PEAK1: variants seen among roughly 807,000 people sequenced by gnomAD.
The protein encoded by PEAK1 is pseudopodium enriched atypical kinase 1.
A neutral mutation model predicts 124.7 loss-of-function variants in PEAK1; 54 were observed. The ratio of observed to expected loss-of-function variants is 0.43; its 90% CI spans 0.35 to 0.54. The LOEUF (loss-of-function observed/expected upper bound fraction) is 0.54, where lower values mean the gene tolerates loss of function less well. PEAK1 is among the 20% of genes least tolerant of loss of function. The pLI is 0.01. For synonymous variants in PEAK1, 719 were observed against 760.0 expected (o/e 0.95, Z 0.89); for missense variants, 2,046 against 2,134.5 (o/e 0.96, Z 0.82).
At chr15:77,389,774 T>C (rs761362783) in intron 1 of PEAK1, among the ~76,000 whole-genome samples, 9 of 152,136 alleles carry the variant, frequency 5.9e-5, no homozygotes, top group African/African-American at 9.7e-5. Flanking sequence ...AATCTCAAGG[T>C]TTACTATGTT....
At chr15:77,337,063 TAAAGATAGGAA>T in intron 2 of PEAK1, 3 of 919,438 alleles carry the variant, frequency 3.3e-6, no homozygotes, top group Non-Finnish European at 3.9e-6. Flanking sequence ...ACAGAATGAG[TAAAGATAGGAA>T]AAAGAGAAGA....
Position 77,338,170 on chromosome 15 carries a change from T to C in PEAK1, c.-603+26993A>G, listed in dbSNP as rs907580689. 1.1e-5 allele frequency: 10 copies of C among 908,244 alleles called. No individual in the cohort carries two copies. In the African/African-American group the frequency reaches 1.6e-4, roughly 15 times the overall value. 56.3% of individuals were successfully genotyped at this position (908,244 alleles called of 1,614,324 possible). On this transcript the variant is annotated intron_variant, in intron 2 of 9. Transcript: ENST00000682557. ...CAATTAATACAGCAGACAATGGGAG[T>C]AGCCTTCTCTAAAGACTGCAATCCT... is the stretch of plus-strand genomic sequence containing the variant.
Position 77,216,591 on chromosome 15 carries a change from C to T in PEAK1, c.-114-34551G>A, listed in dbSNP as rs190938195. Among the ~76,000 whole-genome samples, 94 of 152,270 alleles carry T rather than the reference C, an allele frequency of 6.2e-4. 2 individuals are homozygous for T. The highest frequency in any genetic ancestry group is 7.4e-5 in the Non-Finnish European group (5 of 68,018). ...CAAATGGATAACTTCTTTTAAGAAGCGACAACACGATGCTGAAGATAAAGC... is the reference window on the plus strand; with the variant it reads ...CAAATGGATAACTTCTTTTAAGAAGTGACAACACGATGCTGAAGATAAAGC... On this transcript the variant is annotated intron_variant, in intron 6 of 9. Coordinates refer to ENST00000682557, the MANE Select transcript of PEAK1 (RefSeq NM_001385026.1).
chr15:77,329,137 G>A (rs748486589), intron 2 of PEAK1, among the ~76,000 whole-genome samples: 3 of 152,070 alleles, frequency 2.0e-5, no homozygotes, highest in Non-Finnish European at 4.4e-5. Flanking sequence ...TAATTTTGTT[G>A]TTTATAGAAC....
chr15:77,249,640 G>A (rs2060751185), intron 6 of PEAK1, among the ~76,000 whole-genome samples: 1 of 152,092 alleles, frequency 6.6e-6, no homozygotes, highest in Non-Finnish European at 1.5e-5. Context: ...TCTGAACTGG[G>A]CTAGGTGGGA....
At chr15:77,192,748 C>A (rs1201940936) in intron 6 of PEAK1, among the ~76,000 whole-genome samples, 2 of 152,102 alleles carry the variant, frequency 1.3e-5, no homozygotes, top group African/African-American at 4.8e-5. Context: ...AGGCACAAAT[C>A]AACAACACTC....
chr15:77,162,422 A>C (rs540517755), intron 7 of PEAK1, among the ~76,000 whole-genome samples: 101 of 140,890 alleles, frequency 7.2e-4, no homozygotes, highest in African/African-American at 2.5e-3. Context: ...TGAACCTGGG[A>C]GGCAGAGGTT....
intron 9 of PEAK1, among the ~76,000 whole-genome samples, chr15:77,132,099 G>T (rs2052913159): frequency 2.7e-5 from 4 of 150,512 alleles, no homozygotes. Flanking sequence ...TTTTTTTTTT[G>T]AGACAGGGTC....
At position 77,123,007 on chromosome 15, in the gene PEAK1, TCTCCACAGTTCAC is replaced by T. The variant is rs372321463; in HGVS notation, c.4078-7701_4078-7689del. On this transcript the variant is annotated intron_variant, in intron 9 of 9. Transcript: ENST00000682557. Reference sequence around the variant, plus strand: ...TCAAAAATGCAGTAAAAGATGTTGGTCTCCACAGTTCACCTCTACATTATTACAAGCTTTTAAC... The same window carrying T: ...TCAAAAATGCAGTAAAAGATGTTGGTCTCTACATTATTACAAGCTTTTAAC... Among the ~76,000 whole-genome samples the T allele has an allele frequency of 7.8e-3, 1,183 of 152,224 alleles. 13 individuals carry two copies. The highest frequency in any genetic ancestry group is 8.2e-3 in the Non-Finnish European group (555 of 67,998).
chr15:77,347,326 C>CA (rs1404543275), intron 2 of PEAK1: 28 of 984,412 alleles, frequency 2.8e-5, no homozygotes, highest in Middle Eastern at 5.2e-4. Flanking sequence ...AAACCTTCAA[C>CA]AAAAAAAAGA....
At chr15:77,232,987 T>C (rs1208819407) in intron 6 of PEAK1, among the ~76,000 whole-genome samples, 10 of 152,316 alleles carry the variant, frequency 6.6e-5, no homozygotes, top group Middle Eastern at 3.4e-3. Flanking sequence ...CCTCAAGTGA[T>C]CCACCTGCCT....
chr15:77,405,465 T>C (rs556216335), intron 1 of PEAK1, among the ~76,000 whole-genome samples: 1 of 152,328 alleles, frequency 6.6e-6, no homozygotes, highest in South Asian at 2.1e-4. Flanking sequence ...ATGAACTATA[T>C]TCCTATCATA....
chr15:77,164,833 G>T (rs1035083321), intron 7 of PEAK1, among the ~76,000 whole-genome samples: 1 of 152,092 alleles, frequency 6.6e-6, no homozygotes, highest in African/African-American at 2.4e-5. Flanking sequence ...AAAAGGCAAG[G>T]TATTAGAAGA....
chr15:77,139,259 A>G (rs1472264761), intron 8 of PEAK1, among the ~76,000 whole-genome samples: 1 of 152,230 alleles, frequency 6.6e-6, no homozygotes, highest in African/African-American at 2.4e-5. Flanking sequence ...CTCCTAAGAT[A>G]ACAATGCCTT....
intron 5 of PEAK1, among the ~76,000 whole-genome samples, chr15:77,260,438 A>C (rs1436760767): frequency 6.6e-6 from 1 of 152,166 alleles, no homozygotes; most frequent in African/African-American, 2.4e-5. Context: ...AATAGAAAGA[A>C]ACCCAGAAAT....
chr15:77,304,510 G>A (rs1050356875), intron 2 of PEAK1, among the ~76,000 whole-genome samples: 10 of 144,178 alleles, frequency 6.9e-5, no homozygotes, highest in African/African-American at 2.1e-4. Flanking sequence ...GTAAAGTGGC[G>A]CGATCTCTGC....
intron 5 of PEAK1, among the ~76,000 whole-genome samples, chr15:77,269,174 T>C (rs2061896070): frequency 6.6e-6 from 1 of 151,546 alleles, no homozygotes; most frequent in Non-Finnish European, 1.5e-5. Flanking sequence ...ATCTCAATAC[T>C]AATGTTGAAA....
chr15:77,253,737 T>G (rs761198819), intron 5 of PEAK1, among the ~76,000 whole-genome samples: 4 of 152,218 alleles, frequency 2.6e-5, no homozygotes, highest in Non-Finnish European at 5.9e-5. Flanking sequence ...TTCTGATAAG[T>G]CAGCTGTCAG....
rs1052209032 is a variant in PEAK1, at chr15:77,402,966, G to T, written c.-666+17040C>A. 44 of 985,272 alleles carry T rather than the reference G, an allele frequency of 4.5e-5. No individual in the cohort carries two copies. In the African/African-American group the frequency reaches 7.3e-4, roughly 16 times the overall value. The allele number at this position is 985,272 out of a possible 1,614,324, so 61.0% of individuals were successfully genotyped here. A position where few individuals can be genotyped will look rare whatever the true frequency, so the allele number is the denominator to read the frequency against. On this transcript the variant is annotated intron_variant, in intron 1 of 9. Coordinates refer to ENST00000682557, the MANE Select transcript of PEAK1 (RefSeq NM_001385026.1). The stretch of plus-strand genomic sequence containing the variant: ...TTCATGAAGATCACTTTGAAATGCA[G>T]TTCTGGGTAGACATTATTTGCTCTT...
Sources: allele counts gnomAD v4.1 joint callset (sites outside exome capture counted in the v4.1 genomes callset), GRCh38; gene constraint gnomAD v4.1.1; transcripts MANE v1.5; gene names NCBI Gene and HGNC (gene_info 2026-07-23, HGNC 2026-07-21).